Variants in RNF17 observed in about 807,000 individuals in gnomAD.
The protein encoded by RNF17 is ring finger protein 17.
Under a neutral mutation model 200.5 loss-of-function variants are expected in RNF17, and 31 were observed. The ratio of observed to expected loss-of-function variants is 0.15; its 90% CI spans 0.12 to 0.21. The LOEUF is 0.21. RNF17 is among the 10% of genes least tolerant of loss of function. RNF17 has a pLI of 1.00. For missense variants in RNF17, 1,628 were observed against 1,905.1 expected (o/e 0.85, Z 2.71); for synonymous variants, 606 against 637.8 (o/e 0.95, Z 0.75).
chr13:24,824,064 A>C, intron 15 of RNF17: 1 of 641,948 alleles, frequency 1.6e-6, no homozygotes. Context: ...GCTTAAGACC[A>C]AGACCATTGT....
intron 18 of RNF17, among the ~76,000 whole-genome samples, chr13:24,837,926 AGGCC>A (rs1416954622): frequency 6.6e-6 from 1 of 152,196 alleles, no homozygotes; most frequent in Non-Finnish European, 1.5e-5. Flanking sequence ...TAAAATTGAT[AGGCC>A]ATTAGCACGA....
chr13:24,777,711 T>C (rs1485646534), intron 3 of RNF17, among the ~76,000 whole-genome samples: 1 of 152,196 alleles, frequency 6.6e-6, no homozygotes, highest in Non-Finnish European at 1.5e-5. Context: ...TCAACATCTG[T>C]ACCAAAAAAT....
At chr13:24,756,019 T>C in the RNF17 span, among the ~76,000 whole-genome samples, 1 of 152,192 alleles carries the variant, frequency 6.6e-6, no homozygotes, top group Non-Finnish European at 1.5e-5. Flanking sequence ...ATTATTTTAA[T>C]GTTGTAAATA....
intron 27 of RNF17, 124 bp from the exon 28 acceptor site, chr13:24,862,589 G>C: frequency 1.6e-6 from 1 of 625,626 alleles, no homozygotes; most frequent in Non-Finnish European, 3.0e-6. Context: ...TCTGAGAACT[G>C]CTTGTGTATT....
Position 24,764,282 on chromosome 13 carries a change from G to A in RNF17, c.79G>A (p.Ala27Thr), listed in dbSNP as rs1189273391. 6.2e-7 allele frequency: 1 copy of A among 1,611,642 alleles called. No individual in the cohort carries two copies. Among genetic ancestry groups the A allele is most frequent in the South Asian group, 1.1e-5 (1 of 90,886 alleles). Residue 27 changes from alanine (A) to threonine (T), a missense_variant, in exon 1 of 36, where the codon GCC becomes ACC. This residue lies in a region of RNF17 where 502 missense variants were observed against 501.7 expected (regional missense o/e 1.00). Transcript: ENST00000255324. ...GGGGAGGAAGAGTCAGCCCTGGGGTGCCGCTGAAATCCAGTGCACCAGGTG... is the reference window on the plus strand; with the variant it reads ...GGGGAGGAAGAGTCAGCCCTGGGGTACCGCTGAAATCCAGTGCACCAGGTG... ...RMGRKSQPWG[A>T]AEIQCTRCGR...
At position 24,793,323 on chromosome 13, in the gene RNF17, A is replaced by G. The variant is rs765241076; in HGVS notation, c.1217A>G (p.Glu406Gly). 1 of 1,589,664 alleles carries G rather than the reference A, an allele frequency of 6.3e-7. No individual in the cohort carries two copies. Among genetic ancestry groups the G allele is most frequent in the Non-Finnish European group, 8.5e-7 (1 of 1,171,634 alleles). Residue 406 changes from glutamate to glycine, a missense_variant, in exon 10 of 36, where the codon GAA becomes GGA. Physicochemically the swap from Glu to Gly is moderately conservative, Grantham distance 98. This residue lies in a region of RNF17 where 502 missense variants were observed against 501.7 expected (regional missense o/e 1.00). Coordinates refer to ENST00000255324, the MANE Select transcript of RNF17 (RefSeq NM_031277.3). ...MGSSPDVIIE[E>G]IIEDNVESSA... The stretch of plus-strand genomic sequence containing the variant: ...TCTAGCCCTGATGTGATAATTGAAG[A>G]AATTATTGAAGACAACGTGGAAAGT...
At position 24,861,351 on chromosome 13, in the gene RNF17, G is replaced by A; in HGVS notation, c.3858G>A (p.Gln1286=). 2 of 1,579,340 alleles carry A rather than the reference G, an allele frequency of 1.3e-6. No homozygotes were observed. Among genetic ancestry groups the A allele is most frequent in the Non-Finnish European group, 1.7e-6 (2 of 1,160,536 alleles). ...YPILLYPDIP[Q]FCIPCQLHNT... ...TTTTGCTGTATCCTGATATACCCCA[G>A]TTTTGTATTCCTTGTCAGCTCCATA... is the stretch of plus-strand genomic sequence containing the variant. Residue 1286 remains glutamine, a synonymous_variant, in exon 27 of 36, where the codon CAG becomes CAA. Coordinates refer to ENST00000255324, the MANE Select transcript of RNF17 (RefSeq NM_031277.3).
At chr13:24,874,750 T>C (rs899526388) in intron 33 of RNF17, among the ~76,000 whole-genome samples, 1 of 152,192 alleles carries the variant, frequency 6.6e-6, no homozygotes, top group African/African-American at 2.4e-5. Flanking sequence ...TAATTGGCAT[T>C]AAATACATTC....
At chr13:24,876,634 G>T (rs1042834697) in intron 33 of RNF17, among the ~76,000 whole-genome samples, 6 of 142,098 alleles carry the variant, frequency 4.2e-5, no homozygotes, top group Admixed American at 2.1e-4. Context: ...GTGAGGTGGA[G>T]TCTCACTTTG....
chr13:24,836,195 C>T (rs968948318), intron 18 of RNF17, among the ~76,000 whole-genome samples: 4 of 152,180 alleles, frequency 2.6e-5, no homozygotes, highest in African/African-American at 7.2e-5. Flanking sequence ...CTCAGGAAAA[C>T]ATATTTGGGG....
intron 28 of RNF17, 41 bp from the exon 29 acceptor site, chr13:24,864,832 G>A: frequency 1.4e-6 from 2 of 1,386,396 alleles, no homozygotes; most frequent in South Asian, 1.2e-5. Context: ...GTCATCAAGT[G>A]GAGTTTATTT....
At chr13:24,755,934 T>C in the RNF17 span, among the ~76,000 whole-genome samples, 3 of 152,192 alleles carry the variant, frequency 2.0e-5, no homozygotes, top group Non-Finnish European at 4.4e-5. Context: ...CTAGTTAAAA[T>C]AGTATGTAAA....
intron 18 of RNF17, among the ~76,000 whole-genome samples, chr13:24,835,548 G>T (rs1459696502): frequency 6.6e-6 from 1 of 152,072 alleles, no homozygotes; most frequent in Non-Finnish European, 1.5e-5. Context: ...AGACTCTCTG[G>T]GTGGCTAGAC....
chr13:24,865,828 C>T (rs575800729), intron 29 of RNF17, among the ~76,000 whole-genome samples: 5 of 152,008 alleles, frequency 3.3e-5, no homozygotes, highest in South Asian at 4.2e-4. Flanking sequence ...TTATTAAACA[C>T]GTTTTATAAA....
chr13:24,831,840 G>A lies in RNF17; in HGVS notation c.2362-18G>A. On this transcript the variant is annotated intron_variant, in intron 17 of 35. Transcript: ENST00000255324. ...AAATTAAATTTTTTTCTTAATGGTG[G>A]AATTTTGTCTGACACAGGCAATTAA... is the stretch of plus-strand genomic sequence containing the variant. 6.3e-7 allele frequency: 1 copy of A among 1,585,564 alleles called. No individual in the cohort carries two copies. Among genetic ancestry groups the A allele is most frequent in the Non-Finnish European group, 8.5e-7 (1 of 1,172,236 alleles).
At chr13:24,854,604 A>G (rs564342354) in intron 25 of RNF17, among the ~76,000 whole-genome samples, 9 of 152,242 alleles carry the variant, frequency 5.9e-5, no homozygotes, top group African/African-American at 1.9e-4. Flanking sequence ...CTTCATAACT[A>G]TAGAACCTTG....
intron 5 of RNF17, among the ~76,000 whole-genome samples, chr13:24,780,215 AG>A (rs1882160275): frequency 6.6e-6 from 1 of 152,214 alleles, no homozygotes; most frequent in East Asian, 1.9e-4. Flanking sequence ...TTTGCATAGA[AG>A]GACATGACAT....
At chr13:24,754,742 T>A in the RNF17 span, among the ~76,000 whole-genome samples, 1 of 151,580 alleles carries the variant, frequency 6.6e-6, no homozygotes, top group African/African-American at 2.4e-5. Context: ...TAAAATAAAA[T>A]AAAATTAGCC....
intron 15 of RNF17, among the ~76,000 whole-genome samples, chr13:24,817,716 C>CAA (rs34461016): frequency 7.3e-5 from 10 of 137,570 alleles, no homozygotes; most frequent in South Asian, 2.3e-4. Flanking sequence ...GACTTCATCT[C>CAA]AAAAAAAAAA....
Sources: gnomAD v4.1 joint callset for allele counts (sites outside exome capture counted in the v4.1 genomes callset) on GRCh38, gnomAD v4.1.1 for gene constraint, gnomAD v4.1.1 regional missense constraint, MANE v1.5 for transcripts, NCBI Gene and HGNC (gene_info 2026-07-23, HGNC 2026-07-21) for gene names.